GABRG2: variants seen among roughly 807,000 people sequenced by gnomAD.
GABRG2 encodes the protein gamma-aminobutyric acid type A receptor subunit gamma2.
GABRG2 carries 16 observed loss-of-function variants against 56.4 expected under a neutral mutation model. The ratio of observed to expected loss-of-function variants is 0.28; its 90% CI spans 0.19 to 0.43. GABRG2 has a LOEUF of 0.43. Among genes scored for constraint, GABRG2 ranks in the 20% least tolerant of loss-of-function variants. The pLI, the probability that GABRG2 is intolerant of heterozygous loss-of-function variation, is 1.00. For synonymous variants in GABRG2, 208 were observed against 205.5 expected (o/e 1.01, Z -0.10); for missense variants, 327 against 582.7 (o/e 0.56, Z 4.52).
At chr5:162,084,151 A>C (rs555260004) in intron 1 of GABRG2, among the ~76,000 whole-genome samples, 3 of 151,914 alleles carry the variant, frequency 2.0e-5, no homozygotes, top group East Asian at 3.9e-4. Flanking sequence ...ATAAACTGAG[A>C]CTTTGCCCTC....
intron 7 of GABRG2, among the ~76,000 whole-genome samples, chr5:162,143,838 A>G (rs1419883582): frequency 2.0e-5 from 3 of 152,246 alleles, no homozygotes; most frequent in East Asian, 3.8e-4. Flanking sequence ...GTTGGCTACT[A>G]TAGTCATTTT....
At chr5:162,079,461 T>G (rs1759472192) in intron 1 of GABRG2, among the ~76,000 whole-genome samples, 3 of 152,178 alleles carry the variant, frequency 2.0e-5, no homozygotes. Flanking sequence ...TATATTATAC[T>G]CTCCTGAATT....
intron 6 of GABRG2, among the ~76,000 whole-genome samples, chr5:162,123,503 TA>T (rs1561652312): frequency 6.6e-6 from 1 of 151,732 alleles, no homozygotes; most frequent in African/African-American, 2.4e-5. Flanking sequence ...TCAAAACAAA[TA>T]AAAAAATTTA....
chr5:162,105,746 C>A (rs1049881356), intron 6 of GABRG2, among the ~76,000 whole-genome samples: 1 of 151,446 alleles, frequency 6.6e-6, no homozygotes, highest in Non-Finnish European at 1.5e-5. Context: ...AATCTTTCAT[C>A]TGGTTCAAAA....
Position 162,085,046 on chromosome 5 carries a change from T to C in GABRG2, c.108-8782T>C, listed in dbSNP as rs140596188. 1.3e-3 allele frequency among the ~76,000 whole-genome samples: 191 copies of C among 152,116 alleles called. 2 individuals are homozygous for C. Among genetic ancestry groups the C allele is most frequent in the African/African-American group, 4.4e-3 (181 of 41,546 alleles). On this transcript the variant is annotated intron_variant, in intron 1 of 9. Transcript: ENST00000639213. ...AAAACTTCCATGTTAGTGTGTAGTGTGCAAGACAAGCTGTCCCAGTTTTCC... is the reference window on the plus strand; with the variant it reads ...AAAACTTCCATGTTAGTGTGTAGTGCGCAAGACAAGCTGTCCCAGTTTTCC...
chr5:162,142,901 A>AAG (rs1046547477), intron 7 of GABRG2: 1 of 148,936 alleles, frequency 6.7e-6, no homozygotes, highest in Non-Finnish European at 1.5e-5. Flanking sequence ...AAGCATAATA[A>AAG]AAAAAAAAAA....
chr5:162,132,190 T>G (rs1033758488), intron 6 of GABRG2, among the ~76,000 whole-genome samples: 1 of 148,322 alleles, frequency 6.7e-6, no homozygotes, highest in South Asian at 2.1e-4. Flanking sequence ...ACAAATTAGT[T>G]TTTGACCAAT....
intron 6 of GABRG2, among the ~76,000 whole-genome samples, chr5:162,133,105 A>G (rs1023285521): frequency 1.3e-5 from 2 of 152,004 alleles, no homozygotes; most frequent in African/African-American, 4.8e-5. Context: ...AAGATTGGCT[A>G]CTTTACTATT....
At chr5:162,067,751 T>TC, upstream of GABRG2, 1 of 610,354 alleles carries the variant, frequency 1.6e-6, no homozygotes, top group Non-Finnish European at 2.9e-6. Context: ...ATGATATTAC[T>TC]CCCCCAGACT....
chr5:162,105,542 G>A (rs1437326588), intron 6 of GABRG2, among the ~76,000 whole-genome samples: 2 of 146,044 alleles, frequency 1.4e-5, no homozygotes, highest in East Asian at 4.1e-4. Context: ...CCATTCTCCT[G>A]CCTCAGCCTC....
intron 1 of GABRG2, among the ~76,000 whole-genome samples, chr5:162,088,898 A>G (rs1277701185): frequency 6.6e-6 from 1 of 152,166 alleles, no homozygotes; most frequent in Non-Finnish European, 1.5e-5. Flanking sequence ...TTTTAATATT[A>G]TGACTTCTCC....
chr5:162,140,396 A>G (rs1490230002), intron 6 of GABRG2, among the ~76,000 whole-genome samples: 1 of 152,210 alleles, frequency 6.6e-6, no homozygotes, highest in Non-Finnish European at 1.5e-5. Context: ...ACTCCCTCAA[A>G]GAGCAGCCAA....
chr5:162,121,707 C>T (rs967977454), intron 6 of GABRG2, among the ~76,000 whole-genome samples: 2 of 151,928 alleles, frequency 1.3e-5, no homozygotes, highest in Admixed American at 1.3e-4. Context: ...GTGCCTGGCA[C>T]ATAGTAGGTG....
rs558250245 is a variant in GABRG2 at position 162,153,583 on chromosome 5, C to A, written c.*215C>A. 10 of 618,794 alleles carry A rather than the reference C, an allele frequency of 1.6e-5. No individual in the cohort carries two copies. In the Admixed American group the frequency reaches 2.0e-4, roughly 13 times the overall value. 38.3% of individuals were successfully genotyped at this position (618,794 alleles called of 1,614,324 possible). A position where few individuals can be genotyped will look rare whatever the true frequency, so the allele number is the denominator to read the frequency against. On this transcript the variant is annotated 3_prime_UTR_variant, in exon 10 of 10. Coordinates refer to ENST00000639213, the MANE Select transcript of GABRG2 (RefSeq NM_198904.4). ...CTTCGATGTTTGCTGTGTTTCAAAC[C>A]TGCAAGGCAAAGTAAAATTAGAGCA...
At chr5:162,094,004 G>A (rs1760811889) in intron 2 of GABRG2, 25 bp downstream of exon 2, 1 of 1,611,670 alleles carries the variant, frequency 6.2e-7, no homozygotes, top group South Asian at 1.1e-5. Flanking sequence ...TTTGCGTTGT[G>A]CTATAGATAG....
chr5:162,087,027 C>T (rs1346471417), intron 1 of GABRG2, among the ~76,000 whole-genome samples: 1 of 151,996 alleles, frequency 6.6e-6, no homozygotes, highest in Non-Finnish European at 1.5e-5. Flanking sequence ...AAAATATTTT[C>T]CCTCCAGCAG....
intron 5 of GABRG2, chr5:162,101,666 T>A (rs904122771): frequency 2.4e-5 from 7 of 292,804 alleles, no homozygotes; most frequent in African/African-American, 1.6e-4. Context: ...TCTTCCTTTC[T>A]CTCCTATGGG....
intron 6 of GABRG2, among the ~76,000 whole-genome samples, chr5:162,127,913 C>G (rs79010797): frequency 6.6e-6 from 1 of 151,840 alleles, no homozygotes; most frequent in African/African-American, 2.4e-5. Context: ...ACCACATGGA[C>G]GTAGTGAGAG....
In GABRG2 at chr5:162,137,960, A is replaced by G. The variant is rs74416543; in HGVS notation, c.770-4204A>G. Reference sequence around the variant, plus strand: ...TTTTTTGTAGTGATAGATTTTCACTACGTTGCCCAGGCTGGTGTTGAACTC... The same window carrying G: ...TTTTTTGTAGTGATAGATTTTCACTGCGTTGCCCAGGCTGGTGTTGAACTC... On this transcript the variant is annotated intron_variant, in intron 6 of 9. Transcript: ENST00000639213. 1.5e-4 allele frequency among the ~76,000 whole-genome samples: 23 copies of G among 151,190 alleles called. No individual in the cohort carries two copies. The East Asian group carries it at 4.3e-3, about 28-fold the overall frequency.
Sources: allele counts gnomAD v4.1 joint callset (sites outside exome capture counted in the v4.1 genomes callset), GRCh38; gene constraint gnomAD v4.1.1; transcripts MANE v1.5; gene names NCBI Gene and HGNC (gene_info 2026-07-23, HGNC 2026-07-21).